The following KDELR2 variants were observed in gnomAD, a reference collection of about 807,000 sequenced individuals.
The protein encoded by KDELR2 is KDEL endoplasmic reticulum protein retention receptor 2, also known as ER lumen protein-retaining receptor 2.
KDELR2 carries 15 observed loss-of-function variants against 23.9 expected under a neutral mutation model. The observed-to-expected ratio is 0.63, with a 90% CI of 0.42 to 0.97. KDELR2 has a LOEUF of 0.97. Among genes scored for constraint, KDELR2 ranks in the 50% least tolerant of loss-of-function variants. The pLI, the probability that KDELR2 is intolerant of heterozygous loss-of-function variation, is 0.00. For missense variants in KDELR2, 272 were observed against 254.6 expected, an observed-to-expected ratio of 1.07 and a Z score of -0.46; for synonymous variants, 119 against 106.2, an observed-to-expected ratio of 1.12 and a Z score of -0.74.
At position 6,466,299 on chromosome 7, in the gene KDELR2, G is replaced by A. The variant is rs1562498564; in HGVS notation, c.376C>T (p.Leu126=). The change falls in exon 4 of 5, where the codon CTG becomes TTG. Residue 126 remains leucine (L), a synonymous_variant. Transcript: ENST00000258739. ...LEILWTFSIY[L]ESVAILPQLF... is the part of the protein sequence containing the mutation. Reference sequence around the variant, plus strand: ...TGCGGAAGGATAGCCACGGACTCCAGGTAGATGGAGAAGGTCCAGAGGATC... The same window carrying A: ...TGCGGAAGGATAGCCACGGACTCCAAGTAGATGGAGAAGGTCCAGAGGATC... 6.2e-7 allele frequency: 1 copy of A among 1,614,032 alleles called. No homozygotes were observed. Among genetic ancestry groups the A allele is most frequent in the Admixed American group, 1.7e-5 (1 of 59,994 alleles).
Position 6,462,749 on chromosome 7 carries a change from C to A in KDELR2, c.*392G>T. 1 of 446,964 alleles carries A rather than the reference C, an allele frequency of 2.2e-6. No homozygotes were observed. Among genetic ancestry groups the A allele is most frequent in the Non-Finnish European group, 3.9e-6 (1 of 254,672 alleles). The allele number at this position is 446,964 out of a possible 1,614,324, so 27.7% of individuals were successfully genotyped here. ...GATGGAAGAATATATAATCTATCAA[C>A]TGTCAAGGAGTACAATTTCATTGCA... On this transcript the variant is annotated 3_prime_UTR_variant, in exon 5 of 5. Transcript: ENST00000258739.
chr7:6,475,411 G>A (rs1785731478), intron 1 of KDELR2, among the ~76,000 whole-genome samples: 1 of 152,140 alleles, frequency 6.6e-6, no homozygotes, highest in South Asian at 2.1e-4. Context: ...GGGTGACAGA[G>A]CAAGACCCTG....
At chr7:6,479,388 C>T (rs1484223256) in intron 1 of KDELR2, among the ~76,000 whole-genome samples, 1 of 152,150 alleles carries the variant, frequency 6.6e-6, no homozygotes, top group Admixed American at 6.6e-5. Flanking sequence ...CTCCTGTGCT[C>T]AAGTGATCCA....
At chr7:6,467,913 T>C (rs775485984) in intron 3 of KDELR2, among the ~76,000 whole-genome samples, 6 of 152,116 alleles carry the variant, frequency 3.9e-5, no homozygotes, top group Admixed American at 6.6e-5. Context: ...TGCACAGTAC[T>C]AGGGGCACCA....
Position 6,462,890 on chromosome 7 carries a change from T to C in KDELR2, c.*251A>G. The C allele has an allele frequency of 7.9e-7, 1 of 1,258,324 alleles. No individual in the cohort carries two copies. The highest frequency in any genetic ancestry group is 1.1e-6 in the Non-Finnish European group (1 of 917,030). 77.9% of individuals were successfully genotyped at this position (1,258,324 alleles called of 1,614,324 possible). On this transcript the variant is annotated 3_prime_UTR_variant, in exon 5 of 5. Coordinates refer to ENST00000258739, the MANE Select transcript of KDELR2 (RefSeq NM_006854.4). The stretch of plus-strand genomic sequence containing the variant: ...CCCAATTGAAGCTACACACTGAATT[T>C]ATTAATACAGCATTAAGTTTCTTTG...
At chr7:6,463,366 T>C (rs1258463552) in intron 4 of KDELR2, among the ~76,000 whole-genome samples, 191 bp from the exon 5 acceptor site, 3 of 152,216 alleles carry the variant, frequency 2.0e-5, no homozygotes, top group Admixed American at 6.5e-5. Flanking sequence ...CTTTTTGTTA[T>C]TATGACTTTC....
chr7:6,479,735 C>A (rs908547092), intron 1 of KDELR2, among the ~76,000 whole-genome samples: 4 of 152,184 alleles, frequency 2.6e-5, no homozygotes, highest in African/African-American at 9.6e-5. Context: ...CCTTGGCCTC[C>A]CAAAGTCCTA....
At chr7:6,479,375 G>A (rs536182370) in intron 1 of KDELR2, among the ~76,000 whole-genome samples, 1 of 152,008 alleles carries the variant, frequency 6.6e-6, no homozygotes, top group East Asian at 2.0e-4. Flanking sequence ...AGCTGGTTTT[G>A]AACTCCTGTG....
chr7:6,475,623 C>A (rs1198228786), intron 1 of KDELR2, among the ~76,000 whole-genome samples: 3 of 152,210 alleles, frequency 2.0e-5, no homozygotes, highest in Non-Finnish European at 4.4e-5. Flanking sequence ...GGCACAGCCA[C>A]ACTCAGCCAG....
At chr7:6,472,315 C>T (rs6959389) in intron 2 of KDELR2, among the ~76,000 whole-genome samples, 134,121 of 152,136 alleles carry the variant, frequency 0.88, 59,604 homozygotes, top group Non-Finnish European at 0.92. Flanking sequence ...AAGGCCTTAG[C>T]AGCACCTGGA....
Position 6,466,270 on chromosome 7 carries a change from T to C in KDELR2, c.405A>G (p.Leu135=), listed in dbSNP as rs2230263. The change falls in exon 4 of 5, where the codon CTA becomes CTG. Residue 135 remains leucine, a synonymous_variant. Coordinates refer to ENST00000258739, the MANE Select transcript of KDELR2 (RefSeq NM_006854.4). The part of the protein sequence containing the change: ...YLESVAILPQ[L]FMISKTGEAE... ...CCTCCCCAGTCTTGCTGATCATAAA[T>C]AGCTGCGGAAGGATAGCCACGGACT... 0.91 allele frequency: 1,470,970 copies of C among 1,614,058 alleles called. 676,066 individuals are homozygous for C. Among genetic ancestry groups the C allele is most frequent in the African/African-American group, 0.97 (73,090 of 75,002 alleles).
chr7:6,481,757 AAACT>A (rs954438890), intron 1 of KDELR2, among the ~76,000 whole-genome samples: 13 of 152,224 alleles, frequency 8.5e-5, no homozygotes, highest in Middle Eastern at 3.4e-3. Context: ...ACAAACAAAA[AAACT>A]AACATCATCT....
rs1303923799 is a variant in KDELR2, at chr7:6,462,581, TTG to T, written c.*558_*559del. ...ATCCTTACCAACCTTAAATGTAGTG[TTG>T]TGACATCCAACGAAGGACTTCCACG... On this transcript the variant is annotated 3_prime_UTR_variant, in exon 5 of 5. Transcript: ENST00000258739. 6 of 169,190 alleles carry T rather than the reference TTG, an allele frequency of 3.5e-5. No individual in the cohort carries two copies. The highest frequency in any genetic ancestry group is 3.0e-4 in the Admixed American group (5 of 16,882). 10.5% of individuals were successfully genotyped at this position (169,190 alleles called of 1,614,324 possible).
chr7:6,475,506 G>A (rs1013288258), intron 1 of KDELR2, among the ~76,000 whole-genome samples: 4 of 152,182 alleles, frequency 2.6e-5, no homozygotes, highest in African/African-American at 4.8e-5. Context: ...ACAACATGAA[G>A]GTATGAACCC....
Position 6,466,123 on chromosome 7 carries a change from GC to G in KDELR2, c.551del (p.Gly184AlafsTer2). 4 of 1,614,116 alleles carry G rather than the reference GC, an allele frequency of 2.5e-6. No homozygotes were observed. The highest frequency in any genetic ancestry group is 3.4e-6 in the Non-Finnish European group (4 of 1,180,016). The part of the protein sequence containing the change: ...GFFDLIAVVA[G>X]VVQTILYCDF... ...CACAGTATAGGATGGTCTGGACTAC[GC>G]CGGCCACCACAGCAATGAGGTCAAA... On this transcript the variant is annotated frameshift_variant, in exon 4 of 5. Transcript: ENST00000258739. LOFTEE classifies it high-confidence loss of function.
chr7:6,476,996 G>A (rs1182700558), intron 1 of KDELR2, among the ~76,000 whole-genome samples: 3 of 152,132 alleles, frequency 2.0e-5, no homozygotes, highest in Non-Finnish European at 4.4e-5. Flanking sequence ...ATGAATAAAT[G>A]GACAAAAGAA....
intron 3 of KDELR2, among the ~76,000 whole-genome samples, chr7:6,468,559 G>A (rs537706056): frequency 6.6e-6 from 1 of 152,256 alleles, no homozygotes; most frequent in African/African-American, 2.4e-5. Context: ...AGGCTGGAGT[G>A]CAGTAGCGCG....
chr7:6,472,911 T>C (rs907877622), intron 2 of KDELR2, among the ~76,000 whole-genome samples: 1 of 148,706 alleles, frequency 6.7e-6, no homozygotes, highest in Non-Finnish European at 1.5e-5. Context: ...TTTTTTTTTT[T>C]TTTTTTCAGA....
At chr7:6,473,476 T>C (rs903127854) in intron 2 of KDELR2, among the ~76,000 whole-genome samples, 1 of 152,220 alleles carries the variant, frequency 6.6e-6, no homozygotes, top group Non-Finnish European at 1.5e-5. Flanking sequence ...CCACCAGTGC[T>C]ACACAAAGTG....
Sources: allele counts gnomAD v4.1 joint callset (sites outside exome capture counted in the v4.1 genomes callset), GRCh38; gene constraint gnomAD v4.1.1; transcripts MANE v1.5; gene names NCBI Gene and HGNC (gene_info 2026-07-23, HGNC 2026-07-21).